The following KAZN variants were observed in gnomAD, a reference collection of about 807,000 sequenced individuals.
KAZN encodes kazrin, periplakin interacting protein.
KAZN carries 40 observed loss-of-function variants against 87.4 expected under a neutral mutation model. The ratio of observed to expected loss-of-function variants is 0.46; its 90% CI spans 0.36 to 0.60. The LOEUF is 0.60. Ranked by LOEUF, KAZN falls within the 20% of genes least tolerant of loss-of-function variation. The probability of loss-of-function intolerance (pLI) is 0.00; values close to 1 mark genes in which losing one functional copy is unlikely to be tolerated. For missense variants in KAZN, 898 were observed against 1,073.9 expected, an observed-to-expected ratio of 0.84 and a Z score of 2.29; for synonymous variants, 466 against 458.3, an observed-to-expected ratio of 1.02 and a Z score of -0.22.
In KAZN at chr1:14,201,019, G is replaced by A. The variant is rs76367624; in HGVS notation, c.249+20427G>A. On this transcript the variant is annotated intron_variant, in intron 2 of 16. Coordinates refer to the KAZN transcript ENST00000636203. Reference sequence around the variant, plus strand: ...GCTTCTTTCCTTTGATTGGCGCATGGCCTCTCCTGGTGCATGGCCTCTCCC... The same window carrying A: ...GCTTCTTTCCTTTGATTGGCGCATGACCTCTCCTGGTGCATGGCCTCTCCC... Among the ~76,000 whole-genome samples the A allele has an allele frequency of 2.0e-5, 3 of 152,216 alleles. No individual in the cohort carries two copies. In the East Asian group the frequency reaches 5.8e-4, roughly 29 times the overall value.
chr1:14,202,890 C>T lies in KAZN; in HGVS notation c.249+22298C>T, dbSNP rs139780896. Among the ~76,000 whole-genome samples the T allele has an allele frequency of 7.4e-3, 1,124 of 151,938 alleles. 12 individuals are homozygous for T. Among genetic ancestry groups the T allele is most frequent in the African/African-American group, 0.025 (1,049 of 41,428 alleles). ...AAAGTTAGCTGGGCATGGTCGTGGG[C>T]GCCTGTAATCCCAGCTACTTGGAGG... On this transcript the variant is annotated intron_variant, in intron 2 of 16. Coordinates refer to the KAZN transcript ENST00000636203.
chr1:14,313,832 G>A (rs1655466724), intron 2 of KAZN, among the ~76,000 whole-genome samples: 1 of 151,948 alleles, frequency 6.6e-6, no homozygotes, highest in African/African-American at 2.4e-5. Flanking sequence ...TGGGATAGTG[G>A]GATATTATGA....
At chr1:14,318,066 A>G (rs1232070872) in intron 2 of KAZN, among the ~76,000 whole-genome samples, 1 of 151,924 alleles carries the variant, frequency 6.6e-6, no homozygotes, top group East Asian at 1.9e-4. Flanking sequence ...TGCATATGTT[A>G]TCAACCTCCT....
intron 2 of KAZN, among the ~76,000 whole-genome samples, chr1:14,433,048 A>C (rs1268474463): frequency 6.6e-6 from 1 of 152,002 alleles, no homozygotes; most frequent in Non-Finnish European, 1.5e-5. Flanking sequence ...GTCTCTCTGG[A>C]TCTCATAACA....
chr1:14,198,465 T>G (rs1168590412), intron 2 of KAZN, among the ~76,000 whole-genome samples: 2 of 152,170 alleles, frequency 1.3e-5, no homozygotes, highest in Non-Finnish European at 2.9e-5. Context: ...CTGGGCATGG[T>G]GGCGCATGCC....
At chr1:14,833,252 C>T (rs1342709510) in intron 1 of KAZN, among the ~76,000 whole-genome samples, 1 of 152,068 alleles carries the variant, frequency 6.6e-6, no homozygotes, top group Non-Finnish European at 1.5e-5. Context: ...CAGCAGGTAT[C>T]CATGCTGGAC....
At chr1:15,103,563 G>GCAAATCAATGGGCAA in intron 12 of KAZN, 103 bp downstream of exon 12, 1 of 783,552 alleles carries the variant, frequency 1.3e-6, no homozygotes. Flanking sequence ...TCAATATGCA[G>GCAAATCAATGGGCAA]ATCTCATGCA....
chr1:14,116,076 G>A (rs1029849172), intron 1 of KAZN, among the ~76,000 whole-genome samples: 2 of 150,394 alleles, frequency 1.3e-5, no homozygotes, highest in African/African-American at 2.5e-5. Context: ...TAAAGGAAGC[G>A]GAGCATAAAA....
chr1:14,872,912 TTGGG>T (rs1443233621), intron 1 of KAZN, among the ~76,000 whole-genome samples: 1 of 131,210 alleles, frequency 7.6e-6, no homozygotes, highest in African/African-American at 2.9e-5. Context: ...AAATGGATGG[TTGGG>T]TGGATGGATG....
At chr1:14,581,443 C>A (rs543460498) in intron 2 of KAZN, among the ~76,000 whole-genome samples, 1 of 152,166 alleles carries the variant, frequency 6.6e-6, no homozygotes, top group African/African-American at 2.4e-5. Context: ...ACCTTTTAAA[C>A]CACCGTGGTA....
intron 1 of KAZN, among the ~76,000 whole-genome samples, chr1:14,030,887 T>G (rs190809492): frequency 2.0e-4 from 31 of 152,332 alleles, no homozygotes; most frequent in Admixed American, 5.2e-4. Flanking sequence ...AATTTACACC[T>G]TCCCTTAAAC....
At chr1:14,448,537 G>T (rs1167603807) in intron 2 of KAZN, among the ~76,000 whole-genome samples, 1 of 152,188 alleles carries the variant, frequency 6.6e-6, no homozygotes, top group Non-Finnish European at 1.5e-5. Flanking sequence ...ACAAAGAGGA[G>T]CCAAGGCAAG....
intron 1 of KAZN, among the ~76,000 whole-genome samples, chr1:14,029,607 G>A (rs1352582240): frequency 6.6e-6 from 1 of 150,484 alleles, no homozygotes; most frequent in Non-Finnish European, 1.5e-5. Context: ...TATGGTTTTA[G>A]GTCTAACGTT....
intron 1 of KAZN, among the ~76,000 whole-genome samples, chr1:14,610,653 A>G (rs746168168): frequency 1.7e-4 from 26 of 152,238 alleles, no homozygotes; most frequent in Admixed American, 2.6e-4. Flanking sequence ...TCAGTGGCCT[A>G]GATCTGACAA....
intron 1 of KAZN, among the ~76,000 whole-genome samples, chr1:14,057,910 A>T (rs77407483): frequency 0.053 from 8,083 of 152,308 alleles, 590 homozygotes; most frequent in African/African-American, 0.16. Flanking sequence ...AGTGCTGGAC[A>T]AAGAGTATAA....
chr1:14,712,625 A>C (rs191137469), intron 1 of KAZN, among the ~76,000 whole-genome samples: 100 of 152,310 alleles, frequency 6.6e-4, no homozygotes, highest in Non-Finnish European at 1.2e-3. Flanking sequence ...CATTTCATGA[A>C]AGGTCACTCT....
intron 2 of KAZN, among the ~76,000 whole-genome samples, chr1:14,369,069 G>C (rs1194013097): frequency 1.3e-5 from 2 of 152,212 alleles, no homozygotes; most frequent in African/African-American, 4.8e-5. Flanking sequence ...TAGCTCACTA[G>C]CAACTGCTAG....
At chr1:13,897,859 C>T (rs916951867) in intron 1 of KAZN, among the ~76,000 whole-genome samples, 1 of 152,216 alleles carries the variant, frequency 6.6e-6, no homozygotes. Flanking sequence ...CCTCCCTCTC[C>T]AGGTCCTTCA....
intron 1 of KAZN, among the ~76,000 whole-genome samples, chr1:14,656,324 C>T (rs12758608): frequency 4.9e-4 from 74 of 152,256 alleles, no homozygotes; most frequent in Non-Finnish European, 7.8e-4. Context: ...TGACAGTTTC[C>T]GGTCCCAGAA....
Sources: allele counts gnomAD v4.1 joint callset (sites outside exome capture counted in the v4.1 genomes callset), GRCh38; gene constraint gnomAD v4.1.1; transcripts MANE v1.5; gene names NCBI Gene and HGNC (gene_info 2026-07-23, HGNC 2026-07-21).